Variants in FAM135B observed in about 807,000 individuals in gnomAD.
FAM135B encodes protein FAM135B.
A neutral mutation model predicts 127.7 loss-of-function variants in FAM135B; 43 were observed. The observed-to-expected ratio is 0.34, with a 90% CI of 0.26 to 0.43. The LOEUF is 0.43. Ranked by LOEUF, FAM135B falls within the 20% of genes least tolerant of loss-of-function variation. The probability of loss-of-function intolerance (pLI) is 1.00; values close to 1 mark genes in which losing one functional copy is unlikely to be tolerated. For missense variants in FAM135B, 1,558 were observed against 1,725.6 expected, an observed-to-expected ratio of 0.90 and a Z score of 1.72; for synonymous variants, 670 against 665.1, an observed-to-expected ratio of 1.01 and a Z score of -0.11.
At chr8:138,355,303 A>AGACTTGG (rs1830025037) in intron 2 of FAM135B, among the ~76,000 whole-genome samples, 1 of 152,182 alleles carries the variant, frequency 6.6e-6, no homozygotes, top group South Asian at 2.1e-4. Context: ...ACAACGGCAA[A>AGACTTGG]GACTTGGAAC....
In FAM135B at chr8:138,361,594, G is replaced by A. The variant is rs186522037; in HGVS notation, c.77+6313C>T. 1.0e-3 allele frequency among the ~76,000 whole-genome samples: 159 copies of A among 152,188 alleles called. 1 individual carries two copies. The highest frequency in any genetic ancestry group is 1.8e-3 in the Non-Finnish European group (121 of 68,002). On this transcript the variant is annotated intron_variant, in intron 2 of 19. Coordinates refer to ENST00000395297, the MANE Select transcript of FAM135B (RefSeq NM_015912.4). ...TTCCTTTTTTGCAGTTTCCTCTTCC[G>A]CAGTCTAGAAAGTCTGTGGCAGTTG...
chr8:138,384,285 C>T (rs954275966), intron 1 of FAM135B, among the ~76,000 whole-genome samples: 1 of 152,238 alleles, frequency 6.6e-6, no homozygotes, highest in Admixed American at 6.5e-5. Flanking sequence ...AACATCACTT[C>T]CTCCCCTTTA....
At chr8:138,367,463 T>C in intron 2 of FAM135B, 1 of 457,274 alleles carries the variant, frequency 2.2e-6, no homozygotes, top group Non-Finnish European at 4.4e-6. Flanking sequence ...TGTTTGCAAA[T>C]ACCAACCTTA....
chr8:138,158,282 C>A (rs541649927), intron 12 of FAM135B, among the ~76,000 whole-genome samples: 33 of 152,236 alleles, frequency 2.2e-4, no homozygotes, highest in African/African-American at 6.7e-4. Context: ...CTTCCTTACA[C>A]CTTATACAAA....
intron 5 of FAM135B, among the ~76,000 whole-genome samples, chr8:138,254,804 G>A (rs1465167063): frequency 6.6e-6 from 1 of 152,134 alleles, no homozygotes; most frequent in Non-Finnish European, 1.5e-5. Context: ...GAACAAGGTA[G>A]ATACTCCTGC....
chr8:138,229,417 T>C (rs28620464), intron 7 of FAM135B, among the ~76,000 whole-genome samples: 29,056 of 152,054 alleles, frequency 0.19, 3,075 homozygotes, highest in Non-Finnish European at 0.23. Context: ...CAGTCTTCAA[T>C]AAATATGGTC....
intron 11 of FAM135B, among the ~76,000 whole-genome samples, chr8:138,175,231 G>A (rs1207562560): frequency 1.3e-5 from 2 of 152,098 alleles, no homozygotes; most frequent in South Asian, 2.1e-4. Context: ...GGCTGACAAG[G>A]CCCCACATGG....
At chr8:138,364,450 G>T (rs532574275) in intron 2 of FAM135B, among the ~76,000 whole-genome samples, 1 of 152,146 alleles carries the variant, frequency 6.6e-6, no homozygotes, top group Non-Finnish European at 1.5e-5. Context: ...CCAAAACCAC[G>T]CTCAGACCTG....
intron 4 of FAM135B, among the ~76,000 whole-genome samples, chr8:138,258,803 C>CACACACA (rs112481181): frequency 1.4e-5 from 2 of 146,526 alleles, no homozygotes; most frequent in African/African-American, 5.1e-5. Flanking sequence ...GACACACACA[C>CACACACA]CACACACACA....
chr8:138,147,587 T>C (rs971613542), intron 14 of FAM135B, among the ~76,000 whole-genome samples: 1 of 152,200 alleles, frequency 6.6e-6, no homozygotes, highest in Admixed American at 6.5e-5. Context: ...CTGAAAATTC[T>C]GCAGAGTTTA....
At chr8:138,377,692 A>G (rs1313866028) in intron 1 of FAM135B, among the ~76,000 whole-genome samples, 1 of 152,248 alleles carries the variant, frequency 6.6e-6, no homozygotes, top group East Asian at 1.9e-4. Context: ...GCAGGATACC[A>G]GAGCACACAT....
At chr8:138,477,638 T>G (rs865991941) in intron 1 of FAM135B, among the ~76,000 whole-genome samples, 2 of 152,298 alleles carry the variant, frequency 1.3e-5, no homozygotes, top group Middle Eastern at 3.4e-3. Context: ...CTATCCTCCT[T>G]TTCTCACTAA....
At chr8:138,181,214 CT>C (rs1231499221) in intron 9 of FAM135B, among the ~76,000 whole-genome samples, 3 of 152,094 alleles carry the variant, frequency 2.0e-5, no homozygotes, top group African/African-American at 4.8e-5. Context: ...ACACTCCAGC[CT>C]GGAGACAGAG....
At chr8:138,339,049 G>A (rs1358323400) in intron 2 of FAM135B, among the ~76,000 whole-genome samples, 1 of 145,114 alleles carries the variant, frequency 6.9e-6, no homozygotes, top group Non-Finnish European at 1.5e-5. Flanking sequence ...TCATAGGTAG[G>A]AATTGAACAA....
At chr8:138,404,214 A>G (rs1833321255) in intron 1 of FAM135B, among the ~76,000 whole-genome samples, 2 of 152,210 alleles carry the variant, frequency 1.3e-5, no homozygotes, top group South Asian at 4.1e-4. Context: ...CTCAGTGCAT[A>G]TAAAAGTTAT....
intron 1 of FAM135B, among the ~76,000 whole-genome samples, chr8:138,491,178 C>G (rs1288465119): frequency 6.8e-6 from 1 of 147,326 alleles, no homozygotes; most frequent in Non-Finnish European, 1.5e-5. Flanking sequence ...GAAAGAAAGA[C>G]AAGAAAAGAA....
intron 3 of FAM135B, among the ~76,000 whole-genome samples, chr8:138,300,747 T>TC (rs1008268509): frequency 9.0e-6 from 1 of 111,230 alleles, no homozygotes; most frequent in Admixed American, 1.4e-4. Flanking sequence ...TTATCCACTT[T>TC]TTTTTTTTTT....
chr8:138,338,958 T>C (rs1426894965), intron 2 of FAM135B, among the ~76,000 whole-genome samples: 1 of 151,792 alleles, frequency 6.6e-6, no homozygotes, highest in Admixed American at 6.6e-5. Flanking sequence ...ATGTCCTTTG[T>C]AGGGACATGG....
chr8:138,215,776 G>T (rs573313372), intron 7 of FAM135B, among the ~76,000 whole-genome samples: 1 of 152,132 alleles, frequency 6.6e-6, no homozygotes, highest in Non-Finnish European at 1.5e-5. Context: ...TCCATTCTCC[G>T]CACCCTCCTC....
Sources: allele counts gnomAD v4.1 joint callset (sites outside exome capture counted in the v4.1 genomes callset), GRCh38; gene constraint gnomAD v4.1.1; transcripts MANE v1.5; gene names NCBI Gene and HGNC (gene_info 2026-07-23, HGNC 2026-07-21).